KLHL29: variants seen among roughly 807,000 people sequenced by gnomAD.
KLHL29 encodes the protein kelch-like protein 29.
Under a neutral mutation model 80.4 loss-of-function variants are expected in KLHL29, and 21 were observed. That is an observed-to-expected ratio of 0.26 (90% CI 0.19 to 0.38). The LOEUF is 0.38. KLHL29 is among the 10% of genes least tolerant of loss of function. The pLI is 1.00. For missense variants in KLHL29, 867 were observed against 1,223.9 expected, an observed-to-expected ratio of 0.71 and a Z score of 4.35; for synonymous variants, 511 against 526.8, an observed-to-expected ratio of 0.97 and a Z score of 0.41.
intron 3 of KLHL29, among the ~76,000 whole-genome samples, chr2:23,612,634 C>G: frequency 6.6e-6 from 1 of 152,066 alleles, no homozygotes; most frequent in African/African-American, 2.4e-5. Flanking sequence ...CCCAGCTACT[C>G]AGTAGGCTAA....
At chr2:23,548,623 C>T (rs1036051399) in intron 2 of KLHL29, among the ~76,000 whole-genome samples, 5 of 152,204 alleles carry the variant, frequency 3.3e-5, no homozygotes, top group African/African-American at 1.2e-4. Flanking sequence ...GTCTGACAGC[C>T]GGGGTCCTAG....
At chr2:23,438,293 A>G (rs1184705390) in intron 1 of KLHL29, among the ~76,000 whole-genome samples, 3 of 151,728 alleles carry the variant, frequency 2.0e-5, no homozygotes, top group Non-Finnish European at 4.4e-5. Flanking sequence ...CTAATTGAAT[A>G]CCCTTTATTT....
intron 5 of KLHL29, among the ~76,000 whole-genome samples, chr2:23,649,869 A>G (rs1670042447): frequency 1.3e-5 from 2 of 152,206 alleles, no homozygotes; most frequent in African/African-American, 2.4e-5. Context: ...GCCCCAGCAG[A>G]CACCGGCAGG....
In KLHL29 at chr2:23,385,215, A is replaced by G. The variant is rs1392650303; in HGVS notation, c.-719A>G. The G allele has an allele frequency of 1.3e-5, 2 of 148,626 alleles. No individual in the cohort carries two copies. Among genetic ancestry groups the G allele is most frequent in the African/African-American group, 2.5e-5 (1 of 40,810 alleles). The allele number at this position is 148,626 out of a possible 1,614,324, so 9.2% of individuals were successfully genotyped here. A position where few individuals can be genotyped will look rare whatever the true frequency, so the allele number is the denominator to read the frequency against. On this transcript the variant is annotated 5_prime_UTR_variant, in exon 1 of 14. An upstream start codon of the reference 5' UTR is lost. Transcript: ENST00000486442. ...GGAGCGGAGCGAGCCAGAAGGGAGC[A>G]TGGTCCCCGCGCCGCGGCCGCGCCA... is the stretch of plus-strand genomic sequence containing the variant.
chr2:23,456,905 G>A (rs965600549), intron 1 of KLHL29, among the ~76,000 whole-genome samples: 21 of 152,180 alleles, frequency 1.4e-4, no homozygotes, highest in African/African-American at 3.9e-4. Flanking sequence ...GGGGACTTGC[G>A]GAGACAGCCA....
intron 1 of KLHL29, among the ~76,000 whole-genome samples, chr2:23,466,466 GA>G (rs1035280945): frequency 6.6e-6 from 1 of 152,080 alleles, no homozygotes; most frequent in Non-Finnish European, 1.5e-5. Context: ...AAACTGAAGA[GA>G]AAAAAATACA....
chr2:23,699,987 G>A (rs1023509042), intron 11 of KLHL29, among the ~76,000 whole-genome samples: 7 of 152,120 alleles, frequency 4.6e-5, no homozygotes, highest in South Asian at 4.2e-4. Flanking sequence ...TCACCTTCCT[G>A]CAGTCATTCC....
intron 6 of KLHL29, among the ~76,000 whole-genome samples, chr2:23,687,421 A>G (rs1671314051): frequency 6.6e-6 from 1 of 152,196 alleles, no homozygotes. Context: ...GGTGCCTGCC[A>G]GACCCAACCC....
chr2:23,523,012 A>T (rs1198932890), intron 2 of KLHL29, among the ~76,000 whole-genome samples: 1 of 142,760 alleles, frequency 7.0e-6, no homozygotes, highest in Admixed American at 7.2e-5. Context: ...GTTAGAATCT[A>T]TGCGCCTGCC....
At position 23,494,517 on chromosome 2, in the gene KLHL29, A is replaced by G. The variant is rs529734823; in HGVS notation, c.-46+18850A>G. 2.6e-5 allele frequency among the ~76,000 whole-genome samples: 4 copies of G among 152,322 alleles called. No homozygotes were observed. The South Asian group carries it at 8.3e-4, about 32-fold the overall frequency. ...ATGCAGTCCAAGTGGAAAGGCAACC[A>G]ATCCAGGCTGCTCTAAAAGCACGTG... On this transcript the variant is annotated intron_variant, in intron 2 of 13. Coordinates refer to ENST00000486442, the MANE Select transcript of KLHL29 (RefSeq NM_052920.2).
At chr2:23,529,527 TG>T (rs2103476533) in intron 2 of KLHL29, among the ~76,000 whole-genome samples, 1 of 152,176 alleles carries the variant, frequency 6.6e-6, no homozygotes, top group East Asian at 1.9e-4. Context: ...GCAGGGGTCA[TG>T]GTTTTTCTTA....
intron 2 of KLHL29, among the ~76,000 whole-genome samples, chr2:23,506,874 C>T (rs1665613704): frequency 1.3e-5 from 2 of 149,518 alleles, no homozygotes. Flanking sequence ...AATGCCAAAA[C>T]CCCTGACACC....
intron 5 of KLHL29, among the ~76,000 whole-genome samples, chr2:23,646,322 G>A (rs1669932668): frequency 1.3e-5 from 2 of 152,218 alleles, no homozygotes; most frequent in South Asian, 2.1e-4. Context: ...TATGAATGCA[G>A]CTATTTCTAC....
At chr2:23,406,629 A>G (rs960419964) in intron 1 of KLHL29, among the ~76,000 whole-genome samples, 2 of 151,998 alleles carry the variant, frequency 1.3e-5, no homozygotes, top group African/African-American at 4.8e-5. Context: ...TTCTTTTTAT[A>G]TCATTTTGGT....
intron 3 of KLHL29, among the ~76,000 whole-genome samples, chr2:23,636,988 C>G (rs1669629621): frequency 6.6e-6 from 1 of 152,106 alleles, no homozygotes; most frequent in Non-Finnish European, 1.5e-5. Context: ...CAGTGGCTGT[C>G]GGAAGAGGCT....
At chr2:23,497,292 G>A (rs1452412467) in intron 2 of KLHL29, among the ~76,000 whole-genome samples, 2 of 152,162 alleles carry the variant, frequency 1.3e-5, no homozygotes, top group African/African-American at 4.8e-5. Flanking sequence ...TTTTGTGGCT[G>A]CCCATGTGGT....
At chr2:23,705,258 T>A (rs1228578211) in intron 13 of KLHL29, among the ~76,000 whole-genome samples, 1 of 152,184 alleles carries the variant, frequency 6.6e-6, no homozygotes, top group African/African-American at 2.4e-5. Flanking sequence ...TTTGGGAGGC[T>A]GAGGTGAATG....
At chr2:23,433,063 G>T (rs1337416929) in intron 1 of KLHL29, among the ~76,000 whole-genome samples, 2 of 152,276 alleles carry the variant, frequency 1.3e-5, no homozygotes, top group East Asian at 1.9e-4. Flanking sequence ...GCCCTCCGTT[G>T]TCTTGATAAA....
At chr2:23,523,950 C>T (rs2103472033) in intron 2 of KLHL29, 1 of 470,840 alleles carries the variant, frequency 2.1e-6, no homozygotes, top group Non-Finnish European at 4.4e-6. Flanking sequence ...TAAGTACTTA[C>T]CTCGTAAAGA....
Sources: gnomAD v4.1 joint callset for allele counts (sites outside exome capture counted in the v4.1 genomes callset) on GRCh38, gnomAD v4.1.1 for gene constraint, MANE v1.5 for transcripts, NCBI Gene and HGNC (gene_info 2026-07-23, HGNC 2026-07-21) for gene names.